SIPA1L1: variants seen among roughly 807,000 people sequenced by gnomAD.
SIPA1L1 encodes signal-induced proliferation-associated 1-like protein 1.
Under a neutral mutation model 162.7 loss-of-function variants are expected in SIPA1L1, and 26 were observed. The ratio of observed to expected loss-of-function variants is 0.16; its 90% CI spans 0.12 to 0.22. The LOEUF (loss-of-function observed/expected upper bound fraction) is 0.22. Ranked by LOEUF, SIPA1L1 falls within the 10% of genes least tolerant of loss-of-function variation. The pLI, the probability that SIPA1L1 is intolerant of heterozygous loss-of-function variation, is 1.00. For synonymous variants in SIPA1L1, 829 were observed against 837.4 expected (o/e 0.99, Z 0.17); for missense variants, 1,874 against 2,241.0 (o/e 0.84, Z 3.31).
At chr14:71,548,748 C>T (rs1483523738) in intron 4 of SIPA1L1, among the ~76,000 whole-genome samples, 4 of 151,798 alleles carry the variant, frequency 2.6e-5, no homozygotes, top group African/African-American at 9.7e-5. Context: ...AATGCAACAA[C>T]CAGCTGAGCG....
intron 2 of SIPA1L1, among the ~76,000 whole-genome samples, chr14:71,486,729 G>A (rs570851942): frequency 3.3e-5 from 5 of 152,210 alleles, no homozygotes; most frequent in African/African-American, 1.2e-4. Flanking sequence ...TTCAGCTTTC[G>A]ACAAATTATT....
At chr14:71,536,772 A>C (rs528737601) in intron 4 of SIPA1L1, among the ~76,000 whole-genome samples, 15 of 152,350 alleles carry the variant, frequency 9.8e-5, no homozygotes, top group African/African-American at 3.4e-4. Context: ...CAAGTTTTAA[A>C]TTATAATGTT....
intron 2 of SIPA1L1, among the ~76,000 whole-genome samples, chr14:71,423,325 T>C (rs1182123768): frequency 1.3e-5 from 2 of 152,188 alleles, no homozygotes; most frequent in Non-Finnish European, 2.9e-5. Flanking sequence ...TTTTAAAATT[T>C]TCATGAAGTC....
intron 2 of SIPA1L1, among the ~76,000 whole-genome samples, chr14:71,343,600 ACT>A (rs2035871181): frequency 6.6e-6 from 1 of 152,140 alleles, no homozygotes; most frequent in Non-Finnish European, 1.5e-5. Context: ...AAGAATAACC[ACT>A]GTTACTACTT....
At chr14:71,557,655 A>T (rs1179401955) in intron 4 of SIPA1L1, among the ~76,000 whole-genome samples, 1 of 152,188 alleles carries the variant, frequency 6.6e-6, no homozygotes. Context: ...AACAAAGTAA[A>T]ATAAAATTAA....
At chr14:71,462,184 AACAG>A (rs916749851) in intron 2 of SIPA1L1, among the ~76,000 whole-genome samples, 2 of 152,230 alleles carry the variant, frequency 1.3e-5, no homozygotes, top group African/African-American at 2.4e-5. Context: ...AAAGCCCAGT[AACAG>A]ACAAAGAGCT....
intron 8 of SIPA1L1, 78 bp downstream of exon 8, chr14:71,650,587 A>C (rs2042537103): frequency 8.8e-6 from 12 of 1,365,220 alleles, no homozygotes; most frequent in Non-Finnish European, 1.2e-5. Context: ...ATTATCCGTA[A>C]AGCAACATTG....
chr14:71,619,391 A>C (rs2039180263), intron 6 of SIPA1L1, among the ~76,000 whole-genome samples: 1 of 152,186 alleles, frequency 6.6e-6, no homozygotes, highest in Non-Finnish European at 1.5e-5. Flanking sequence ...CCTAGAAGGT[A>C]CATTCTTTGA....
intron 2 of SIPA1L1, among the ~76,000 whole-genome samples, chr14:71,336,802 C>G (rs528322031): frequency 6.6e-6 from 1 of 152,336 alleles, no homozygotes; most frequent in Non-Finnish European, 1.5e-5. Flanking sequence ...GAATTTCTTG[C>G]AGCTCTTAGA....
chr14:71,632,931 A>G (rs2040730963), intron 7 of SIPA1L1, among the ~76,000 whole-genome samples: 1 of 152,228 alleles, frequency 6.6e-6, no homozygotes, highest in Non-Finnish European at 1.5e-5. Flanking sequence ...GTTAATATCC[A>G]AAATGTCCAA....
chr14:71,472,319 T>C (rs944109931), intron 2 of SIPA1L1, among the ~76,000 whole-genome samples: 2 of 151,352 alleles, frequency 1.3e-5, no homozygotes, highest in African/African-American at 4.9e-5. Flanking sequence ...TACAAAAATA[T>C]GTTAAATACT....
intron 10 of SIPA1L1, among the ~76,000 whole-genome samples, chr14:71,670,759 C>T (rs1450913843): frequency 6.6e-6 from 1 of 152,112 alleles, no homozygotes; most frequent in Non-Finnish European, 1.5e-5. Context: ...AGTAACCTCC[C>T]TTGAAAACAG....
intron 2 of SIPA1L1, among the ~76,000 whole-genome samples, chr14:71,421,869 G>A (rs1187594303): frequency 3.9e-5 from 6 of 152,264 alleles, no homozygotes; most frequent in Non-Finnish European, 7.3e-5. Flanking sequence ...AGTAGAGGGA[G>A]GTAAATGGTG....
rs762598662 is a variant in SIPA1L1, at chr14:71,685,446, A to T, written c.3189A>T (p.Arg1063=). The part of the protein sequence containing the change: ...GVSYEFKFPF[R]NNNKWQRNAS... ...CATACGAATTCAAGTTTCCCTTCCG[A>T]AATAATAACAAGTGGCAGAGGAACG... Residue 1063 remains arginine (R), a synonymous_variant, in exon 13 of 24, where the codon CGA becomes CGT. Transcript: ENST00000381232. 1.2e-6 allele frequency: 2 copies of T among 1,614,192 alleles called. No individual in the cohort carries two copies. The highest frequency in any genetic ancestry group is 1.7e-6 in the Non-Finnish European group (2 of 1,180,040).
intron 2 of SIPA1L1, among the ~76,000 whole-genome samples, chr14:71,466,579 T>C (rs1567061180): frequency 1.5e-5 from 2 of 137,808 alleles, no homozygotes; most frequent in South Asian, 2.5e-4. Flanking sequence ...AGAGCCATAC[T>C]GAAAAAAAAA....
intron 2 of SIPA1L1, among the ~76,000 whole-genome samples, chr14:71,463,511 G>T (rs2046764408): frequency 6.6e-6 from 1 of 152,196 alleles, no homozygotes; most frequent in Non-Finnish European, 1.5e-5. Flanking sequence ...TCCCTGAAAT[G>T]TCTGATCATT....
At chr14:71,493,575 A>G (rs1294908371) in intron 2 of SIPA1L1, among the ~76,000 whole-genome samples, 2 of 152,220 alleles carry the variant, frequency 1.3e-5, no homozygotes, top group Admixed American at 6.5e-5. Context: ...TTGAACAACA[A>G]AAAAAGTATT....
intron 12 of SIPA1L1, among the ~76,000 whole-genome samples, chr14:71,678,203 A>G (rs189583187): frequency 6.6e-6 from 1 of 152,342 alleles, no homozygotes; most frequent in East Asian, 1.9e-4. Context: ...GAGAGAGGGC[A>G]TCCCTGTCTT....
Position 71,380,120 on chromosome 14 carries a change from T to A in SIPA1L1, c.-465+58939T>A, listed in dbSNP as rs570475754. 5.3e-5 allele frequency among the ~76,000 whole-genome samples: 8 copies of A among 152,314 alleles called. No homozygotes were observed. The East Asian group carries it at 1.3e-3, about 26-fold the overall frequency. ...CCCAGAAATGTAAACTTCACAGAGT[T>A]GTTAAGGGTATCTTACTTGTAAGGT... On this transcript the variant is annotated intron_variant, in intron 2 of 23. Transcript: ENST00000381232.
Sources: gnomAD v4.1 joint callset for allele counts (sites outside exome capture counted in the v4.1 genomes callset) on GRCh38, gnomAD v4.1.1 for gene constraint, MANE v1.5 for transcripts, NCBI Gene and HGNC (gene_info 2026-07-23, HGNC 2026-07-21) for gene names.